MAST1: variants seen among roughly 807,000 people sequenced by gnomAD.
MAST1 encodes the protein microtubule associated serine/threonine kinase 1, also known as microtubule-associated serine/threonine-protein kinase 1.
MAST1 carries 40 observed loss-of-function variants against 124.6 expected under a neutral mutation model. The ratio of observed to expected loss-of-function variants is 0.32; its 90% confidence interval spans 0.25 to 0.42. The LOEUF is 0.42. Among genes scored for constraint, MAST1 ranks in the 10% least tolerant of loss-of-function variants. The pLI is 1.00. For synonymous variants in MAST1, 938 were observed against 939.4 expected, an observed-to-expected ratio of 1.00 and a Z score of 0.03; for missense variants, 1,558 against 2,181.9, an observed-to-expected ratio of 0.71 and a Z score of 5.70.
At position 12,866,858 on chromosome 19, in the gene MAST1, A is replaced by G; in HGVS notation, c.2139+96A>G. On this transcript the variant is annotated intron_variant, in intron 18 of 25. Transcript: ENST00000251472. This position sits in a 1 kb window ranked among gnomAD's most constrained non-coding sequence, Gnocchi z 5.2. ...CAGGTTCCCTGGTGCCCAAGGTCTC[A>G]GGAGCGGGAAGTTATTGATGGGGCG... 3 of 1,029,458 alleles carry G rather than the reference A, an allele frequency of 2.9e-6. No homozygotes were observed. In the Admixed American group the frequency reaches 6.2e-5, roughly 21 times the overall value. The allele number at this position is 1,029,458 out of a possible 1,614,324, so 63.8% of individuals were successfully genotyped here.
At chr19:12,853,285 A>T (rs976604483) in intron 10 of MAST1, among the ~76,000 whole-genome samples, 1 of 151,386 alleles carries the variant, frequency 6.6e-6, no homozygotes, top group African/African-American at 2.4e-5. Flanking sequence ...TAACCATTTT[A>T]AAATGAACAA....
At chr19:12,859,602 C>T (rs1308378336) in intron 12 of MAST1, among the ~76,000 whole-genome samples, 5 of 152,020 alleles carry the variant, frequency 3.3e-5, no homozygotes, top group Admixed American at 1.3e-4. Context: ...GGTTCAAGAC[C>T]AGCCTGGCCA....
intron 12 of MAST1, 121 bp from the exon 13 acceptor site, chr19:12,864,688 G>T: frequency 7.5e-7 from 1 of 1,330,736 alleles, no homozygotes; most frequent in Non-Finnish European, 1.0e-6. Flanking sequence ...GCCCCTCTCA[G>T]AGCCTCAGTT....
In MAST1 at chr19:12,843,381, T is replaced by C. The variant is rs1297620904; in HGVS notation, c.249-148T>C. 3 of 560,990 alleles carry C rather than the reference T, an allele frequency of 5.3e-6. No individual in the cohort carries two copies. The highest frequency in any genetic ancestry group is 9.5e-6 in the Non-Finnish European group (3 of 317,384). 34.8% of individuals were successfully genotyped at this position (560,990 alleles called of 1,614,324 possible). On this transcript the variant is annotated intron_variant, in intron 3 of 25. Transcript: ENST00000251472. The surrounding 1 kb of genome is among the most constrained non-coding windows in gnomAD (Gnocchi z 4.9). The stretch of plus-strand genomic sequence containing the variant: ...CCTGGAAGAGTCCCTCTTTATCCCC[T>C]TGATTCTGAGGGCCTTGAGGAATCT...
At position 12,868,765 on chromosome 19, in the gene MAST1, G is replaced by T; in HGVS notation, c.2689G>T (p.Ala897Ser). The change falls in exon 21 of 26, where the codon GCA (alanine) becomes TCA (serine). Residue 897 changes from alanine to serine, a missense_variant. By Grantham distance (99) the Ala-to-Ser change is moderately conservative (BLOSUM62 1). Coordinates refer to ENST00000251472, the MANE Select transcript of MAST1 (RefSeq NM_014975.3). The part of the protein sequence containing the change: ...ARHQQMSGDV[A>S]VEKRPSRTGG... The stretch of plus-strand genomic sequence containing the variant: ...GCACCAGCAGATGTCAGGGGATGTG[G>T]CAGTAGAGAAGAGGCCTTCTCGAAC... 1 of 1,612,080 alleles carries T rather than the reference G, an allele frequency of 6.2e-7. No individual in the cohort carries two copies. Among genetic ancestry groups the T allele is most frequent in the Non-Finnish European group, 8.5e-7 (1 of 1,178,958 alleles).
In MAST1 at chr19:12,868,588, T is replaced by C. The variant is rs1970192500; in HGVS notation, c.2567-55T>C. 7 of 1,431,652 alleles carry C rather than the reference T, an allele frequency of 4.9e-6. No individual in the cohort carries two copies. In the South Asian group the frequency reaches 5.4e-5, roughly 11 times the overall value. The allele number at this position is 1,431,652 out of a possible 1,614,324, so 88.7% of individuals were successfully genotyped here. ...GAGCATTCCAGGCAGGGAAACAGTA[T>C]GTGGGAAATCCCTGGCCTTGGACTA... On this transcript the variant is annotated intron_variant, in intron 20 of 25. Coordinates refer to ENST00000251472, the MANE Select transcript of MAST1 (RefSeq NM_014975.3).
Position 12,867,970 on chromosome 19 carries a change from C to A in MAST1, c.2559C>A (p.Ser853=), listed in dbSNP as rs754487571. The stretch of plus-strand genomic sequence containing the variant: ...AAGGCACCTCCAGCGCCGGGGACTC[C>A]GAGGCCAGTGAGTGCCCTATCGTGC... ...QGEGTSSAGD[S]EATDRPRPGD... is the part of the protein sequence containing the mutation. Residue 853 remains serine, a synonymous_variant, in exon 20 of 26, where the codon TCC becomes TCA. Coordinates refer to ENST00000251472, the MANE Select transcript of MAST1 (RefSeq NM_014975.3). The A allele has an allele frequency of 1.3e-6, 2 of 1,547,766 alleles. No individual in the cohort carries two copies. The highest frequency in any genetic ancestry group is 1.4e-5 in the African/African-American group (1 of 72,258).
chr19:12,841,026 C>G lies in MAST1; in HGVS notation c.208C>G (p.Pro70Ala). ...CCTGGACAGCCCCCGAAACTTCTCC[C>G]CCAACACCCCCGCCCACTTCTCGTT... ...SPLDSPRNFS[P>A]NTPAHFSFAS... The change falls in exon 3 of 26, where the codon CCC (proline) becomes GCC (alanine). Residue 70 changes from proline (P) to alanine (A), a missense_variant. Pro to Ala is a conservative substitution (Grantham distance 27). Around this residue, in one of 10 missense-constraint regions of MAST1, gnomAD observed 57 missense variants for 35.3 expected, o/e 1.62. Transcript: ENST00000251472. This position sits in a 1 kb window ranked among gnomAD's most constrained non-coding sequence, Gnocchi z 4.3. The G allele has an allele frequency of 6.5e-7, 1 of 1,534,874 alleles. No individual in the cohort carries two copies. The highest frequency in any genetic ancestry group is 9.0e-7 in the Non-Finnish European group (1 of 1,107,322).
chr19:12,852,850 AAAATAAAAT>A (rs1329620047), intron 10 of MAST1, among the ~76,000 whole-genome samples: 3 of 146,530 alleles, frequency 2.0e-5, no homozygotes, highest in Admixed American at 1.3e-4. Context: ...ACTGTCTCAA[AAAATAAAAT>A]AAAATAAAAT....
rs1377658476 is a variant in MAST1, at chr19:12,868,034, T to C, written c.2566+57T>C. 6.7e-6 allele frequency: 10 copies of C among 1,486,068 alleles called. 1 individual carries two copies. In the South Asian group the frequency reaches 1.4e-4, roughly 21 times the overall value. The allele number at this position is 1,486,068 out of a possible 1,614,324, so 92.1% of individuals were successfully genotyped here. On this transcript the variant is annotated intron_variant, in intron 20 of 25. Coordinates refer to ENST00000251472, the MANE Select transcript of MAST1 (RefSeq NM_014975.3). ...CTTCCCCAATGTCCTACTGGTCATA[T>C]AGTGAGCATCCCACGAGCCTGGTGC...
intron 24 of MAST1, 44 bp downstream of exon 24, chr19:12,871,216 A>C (rs758074054): frequency 3.1e-6 from 5 of 1,611,656 alleles, no homozygotes; most frequent in Non-Finnish European, 4.2e-6. Context: ...CAGTGGGTGG[A>C]ACTTAGGCGG....
At chr19:12,860,391 C>A (rs1009811834) in intron 12 of MAST1, among the ~76,000 whole-genome samples, 2 of 151,546 alleles carry the variant, frequency 1.3e-5, no homozygotes, top group Non-Finnish European at 2.9e-5. Flanking sequence ...GCTGTGATTA[C>A]AGGCGTGAAC....
Position 12,867,030 on chromosome 19 carries a change from G to A in MAST1, c.2139+268G>A, listed in dbSNP as rs573123270. ...GGCGGGGCTAGGTGTGGGTGGGGCG[G>A]GGTCAGGACGTGGGAATGAGGCCAG... On this transcript the variant is annotated intron_variant, in intron 18 of 25. Coordinates refer to ENST00000251472, the MANE Select transcript of MAST1 (RefSeq NM_014975.3). Among the ~76,000 whole-genome samples, 7 of 152,252 alleles carry A rather than the reference G, an allele frequency of 4.6e-5. No individual in the cohort carries two copies. In the East Asian group the frequency reaches 5.8e-4, roughly 13 times the overall value.
At chr19:12,870,331 T>C (rs1970215452) in intron 22 of MAST1, among the ~76,000 whole-genome samples, 1 of 145,772 alleles carries the variant, frequency 6.9e-6, no homozygotes, top group Non-Finnish European at 1.5e-5. Flanking sequence ...CTACTAAAAA[T>C]ACAAAAAAAA....
In MAST1 at chr19:12,859,866, T is replaced by C. The variant is rs557984697; in HGVS notation, c.1366+1127T>C. ...AAAAGTTTTTTGTTTTTTGTTTTTT[T>C]TTGTTCGTTTGTTTTGTTTTTTATG... is the stretch of plus-strand genomic sequence containing the variant. On this transcript the variant is annotated intron_variant, in intron 12 of 25. Transcript: ENST00000251472. Among the ~76,000 whole-genome samples the C allele has an allele frequency of 4.6e-5, 7 of 151,998 alleles. No individual in the cohort carries two copies. The East Asian group carries it at 1.4e-3, about 29-fold the overall frequency.
intron 3 of MAST1, among the ~76,000 whole-genome samples, chr19:12,842,663 G>A (rs931362139): frequency 2.6e-5 from 4 of 152,158 alleles, no homozygotes; most frequent in Admixed American, 1.3e-4. Context: ...ACATGAGCAC[G>A]CGCCGATGTG....
rs1428374310 is a variant in MAST1, at chr19:12,865,207, G to A, written c.1638+29G>A. On this transcript the variant is annotated intron_variant, in intron 14 of 25. Coordinates refer to ENST00000251472, the MANE Select transcript of MAST1 (RefSeq NM_014975.3). This position sits in a 1 kb window ranked among gnomAD's most constrained non-coding sequence, Gnocchi z 7.1. ...TGTGTGCGGGCATGGGGGTCGCTGA[G>A]GGTGGAGTGACCCTGCAGGACCTCG... 6.2e-7 allele frequency: 1 copy of A among 1,609,526 alleles called. No individual in the cohort carries two copies. The highest frequency in any genetic ancestry group is 1.3e-5 in the African/African-American group (1 of 74,864).
intron 12 of MAST1, among the ~76,000 whole-genome samples, chr19:12,862,032 A>C (rs1970090377): frequency 2.6e-5 from 3 of 114,946 alleles, no homozygotes; most frequent in African/African-American, 7.0e-5. Flanking sequence ...ATGGAGTCTC[A>C]CTCACGCTGT....
At chr19:12,861,999 CTTT>C (rs55931366) in intron 12 of MAST1, among the ~76,000 whole-genome samples, 42 of 122,956 alleles carry the variant, frequency 3.4e-4, no homozygotes, top group South Asian at 1.1e-3. Context: ...CCGTGCCTGC[CTTT>C]TTTTTTTTTT....
Sources: allele counts gnomAD v4.1 joint callset (sites outside exome capture counted in the v4.1 genomes callset), GRCh38; gene constraint gnomAD v4.1.1; regional missense constraint gnomAD v4.1.1; non-coding constraint Gnocchi (gnomAD v3.1); transcripts MANE v1.5; gene names NCBI Gene and HGNC (gene_info 2026-07-23, HGNC 2026-07-21).